The following MERTK variants were observed in gnomAD, a reference collection of about 807,000 sequenced individuals.
The protein encoded by MERTK is MER proto-oncogene, tyrosine kinase.
Under a neutral mutation model 99.3 loss-of-function variants are expected in MERTK, and 69 were observed. That is an observed-to-expected ratio of 0.70 (90% CI 0.57 to 0.85). The LOEUF is 0.85. Among genes scored for constraint, MERTK ranks in the 40% least tolerant of loss-of-function variants. MERTK has a pLI of 0.00. For synonymous variants in MERTK, 426 were observed against 467.6 expected (o/e 0.91, Z 1.15); for missense variants, 1,125 against 1,249.4 (o/e 0.90, Z 1.50).
intron 1 of MERTK, among the ~76,000 whole-genome samples, chr2:111,918,754 A>C (rs1315694861): frequency 6.6e-6 from 1 of 152,236 alleles, no homozygotes; most frequent in East Asian, 1.9e-4. Flanking sequence ...TAGGAAAATA[A>C]TAGCTGCCAT....
rs766015906 is a variant in MERTK, at chr2:112,028,904, C to A, written c.*40C>A. 6.2e-7 allele frequency: 1 copy of A among 1,613,066 alleles called. No individual in the cohort carries two copies. Among genetic ancestry groups the A allele is most frequent in the Non-Finnish European group, 8.5e-7 (1 of 1,180,008 alleles). On this transcript the variant is annotated 3_prime_UTR_variant, in exon 19 of 19. Transcript: ENST00000295408. ...AGACATTCCAAAAATCAAGCCAATT[C>A]TTCTGCTGTAGGAGAATCCAATTGT... is the stretch of plus-strand genomic sequence containing the variant.
chr2:111,947,475 G>A lies in MERTK; in HGVS notation c.665G>A (p.Gly222Asp). The A allele has an allele frequency of 6.2e-7, 1 of 1,614,136 alleles. No individual in the cohort carries two copies. Among genetic ancestry groups the A allele is most frequent in the Non-Finnish European group, 8.5e-7 (1 of 1,180,016 alleles). The change falls in exon 4 of 19, where the codon GGC becomes GAC. Residue 222 changes from glycine to aspartate, a missense_variant. Gly to Asp is a moderately conservative substitution (Grantham distance 94). Transcript: ENST00000295408. ...TTCAACCTCACCTGTCAGGCTGTGG[G>A]CCCGCCTGAGCCCGTCAACATTTTC... ...TAFNLTCQAV[G>D]PPEPVNIFWV... is the part of the protein sequence containing the mutation.
At chr2:111,947,972 A>G (rs978341172) in intron 4 of MERTK, among the ~76,000 whole-genome samples, 3 of 151,936 alleles carry the variant, frequency 2.0e-5, no homozygotes, top group Non-Finnish European at 4.4e-5. Flanking sequence ...GAGCTATTGC[A>G]GGAAGTGTGA....
chr2:111,968,930 G>A (rs1289641699), intron 6 of MERTK, among the ~76,000 whole-genome samples: 1 of 152,176 alleles, frequency 6.6e-6, no homozygotes, highest in Non-Finnish European at 1.5e-5. Context: ...TGGGCTGGTG[G>A]CCATGAAGGA....
intron 1 of MERTK, among the ~76,000 whole-genome samples, chr2:111,912,535 A>G (rs978152068): frequency 1.3e-5 from 2 of 152,140 alleles, no homozygotes; most frequent in African/African-American, 4.8e-5. Context: ...GTGTGAGTCT[A>G]GGAGTGGAAA....
At chr2:111,909,345 C>A (rs55708724) in intron 1 of MERTK, among the ~76,000 whole-genome samples, 36,572 of 151,972 alleles carry the variant, frequency 0.24, 4,756 homozygotes, top group South Asian at 0.32. Context: ...TTTGCCCAGG[C>A]CTTTCCTGGG....
At chr2:111,992,160 C>CAGAG (rs1414661512) in intron 8 of MERTK, among the ~76,000 whole-genome samples, 1 of 152,168 alleles carries the variant, frequency 6.6e-6, no homozygotes, top group East Asian at 1.9e-4. Context: ...GAGCCACGCA[C>CAGAG]AGAGAGGCCA....
At chr2:111,964,540 G>A (rs1685324162) in intron 4 of MERTK, among the ~76,000 whole-genome samples, 2 of 152,190 alleles carry the variant, frequency 1.3e-5, no homozygotes, top group African/African-American at 2.4e-5. Flanking sequence ...ATTGGAGAAT[G>A]GCATTAGAAA....
Position 112,029,217 on chromosome 2 carries a change from A to G in MERTK, c.*353A>G, listed in dbSNP as rs1396662957. 4 of 997,318 alleles carry G rather than the reference A, an allele frequency of 4.0e-6. No individual in the cohort carries two copies. Among genetic ancestry groups the G allele is most frequent in the South Asian group, 4.2e-5 (1 of 23,974 alleles). The allele number at this position is 997,318 out of a possible 1,614,324, so 61.8% of individuals were successfully genotyped here. A position where few individuals can be genotyped will look rare whatever the true frequency, so the allele number is the denominator to read the frequency against. The stretch of plus-strand genomic sequence containing the variant: ...TCAAGTTCTTTTCTTTTTCATGACT[A>G]TTAAATGTAAAAATATTTGTAAAAT... On this transcript the variant is annotated 3_prime_UTR_variant, in exon 19 of 19. Transcript: ENST00000295408.
chr2:112,001,369 A>C, intron 11 of MERTK, 83 bp downstream of exon 11: 3 of 1,109,650 alleles, frequency 2.7e-6, no homozygotes, highest in South Asian at 1.2e-5. Flanking sequence ...TTTCTAACAA[A>C]AGCCAAAGAT....
chr2:111,925,292 A>ATTTTTTTTTT lies in MERTK; in HGVS notation c.62-3811_62-3802dup, dbSNP rs11433691. ...ACAGATCAGATATATATATATATAT[A>ATTTTTTTTTT]TTTTTTTTTTTTTTTTTTTTTTTTT... On this transcript the variant is annotated intron_variant, in intron 1 of 18. Coordinates refer to ENST00000295408, the MANE Select transcript of MERTK (RefSeq NM_006343.3). 5.3e-4 allele frequency among the ~76,000 whole-genome samples: 13 copies of ATTTTTTTTTT among 24,498 alleles called. 1 individual carries two copies. The highest frequency in any genetic ancestry group is 8.0e-4 in the Non-Finnish European group (11 of 13,734). 16.1% of individuals were successfully genotyped at this position (24,498 alleles called of 152,430 possible).
intron 4 of MERTK, among the ~76,000 whole-genome samples, chr2:111,957,175 C>A (rs1338067435): frequency 6.6e-6 from 1 of 151,850 alleles, no homozygotes; most frequent in East Asian, 1.9e-4. Context: ...GATCCGCCCG[C>A]CTTGGCCAGT....
At chr2:111,955,753 T>C (rs1685135676) in intron 4 of MERTK, among the ~76,000 whole-genome samples, 1 of 152,152 alleles carries the variant, frequency 6.6e-6, no homozygotes, top group Non-Finnish European at 1.5e-5. Context: ...TAAAGTTATT[T>C]CAAAATAAAA....
chr2:112,013,869 G>A (rs564983768), intron 15 of MERTK, among the ~76,000 whole-genome samples: 11 of 151,322 alleles, frequency 7.3e-5, no homozygotes, highest in African/African-American at 1.9e-4. Flanking sequence ...GGGTGGTGGC[G>A]GGGGGATGGA....
chr2:111,965,255 G>A lies in MERTK; in HGVS notation c.822G>A (p.Lys274=), dbSNP rs1685338527. 1.9e-6 allele frequency: 3 copies of A among 1,614,218 alleles called. No homozygotes were observed. The highest frequency in any genetic ancestry group is 2.5e-6 in the Non-Finnish European group (3 of 1,180,028). ...AHNDKGLTVS[K]GVQINIKAIP... is the part of the protein sequence containing the mutation. ...ATGACAAAGGGCTGACCGTGTCCAA[G>A]GGAGTGCAGATCAACATCAAAGGTA... Residue 274 remains lysine, a synonymous_variant, in exon 5 of 19, where the codon AAG becomes AAA. Coordinates refer to ENST00000295408, the MANE Select transcript of MERTK (RefSeq NM_006343.3).
chr2:111,913,085 T>G, intron 1 of MERTK: 1 of 985,328 alleles, frequency 1.0e-6, no homozygotes, highest in Non-Finnish European at 1.2e-6. Context: ...ATACAGGTAC[T>G]GGGTCCTTTG....
chr2:111,901,640 C>T (rs1399187644), intron 1 of MERTK, among the ~76,000 whole-genome samples: 1 of 149,720 alleles, frequency 6.7e-6, no homozygotes, highest in African/African-American at 2.5e-5. Context: ...ACTGCAACCT[C>T]AACCTTCCGG....
At chr2:111,898,848 A>G (rs1398823138) in intron 1 of MERTK, 52 bp downstream of exon 1, 2 of 1,535,586 alleles carry the variant, frequency 1.3e-6, no homozygotes, top group South Asian at 2.4e-5. Flanking sequence ...TCCCAGGAGG[A>G]AGCAGGGGCC....
intron 4 of MERTK, among the ~76,000 whole-genome samples, chr2:111,950,071 G>A (rs975725368): frequency 7.2e-5 from 11 of 152,146 alleles, no homozygotes; most frequent in South Asian, 2.1e-4. Context: ...CTGAGTAGCC[G>A]AATTACAGGC....
Sources: allele counts gnomAD v4.1 joint callset (sites outside exome capture counted in the v4.1 genomes callset), GRCh38; gene constraint gnomAD v4.1.1; transcripts MANE v1.5; gene names NCBI Gene and HGNC (gene_info 2026-07-23, HGNC 2026-07-21).